The following TTC28 variants were observed in gnomAD, a reference collection of about 807,000 sequenced individuals.
TTC28 encodes the protein tetratricopeptide repeat protein 28.
A neutral mutation model predicts 198.0 loss-of-function variants in TTC28; 61 were observed. The observed-to-expected ratio is 0.31, with a 90% CI of 0.25 to 0.38. TTC28 has a LOEUF of 0.38. Ranked by LOEUF, TTC28 falls within the 10% of genes least tolerant of loss-of-function variation. TTC28 has a pLI of 1.00. For synonymous variants in TTC28, 1,171 were observed against 1,297.8 expected (o/e 0.90, Z 2.10); for missense variants, 2,678 against 3,164.0 (o/e 0.85, Z 3.69).
intron 6 of TTC28, among the ~76,000 whole-genome samples, chr22:28,147,253 T>A (rs1226747204): frequency 1.3e-5 from 2 of 152,168 alleles, no homozygotes; most frequent in Non-Finnish European, 2.9e-5. Flanking sequence ...TACCATGAAA[T>A]TACTAATTAT....
chr22:28,538,130 G>A (rs2049334557), intron 2 of TTC28, among the ~76,000 whole-genome samples: 1 of 152,148 alleles, frequency 6.6e-6, no homozygotes, highest in Non-Finnish European at 1.5e-5. Flanking sequence ...CTGTTGCCAG[G>A]CTAGAGTACA....
chr22:28,482,041 C>T (rs1020792794), intron 2 of TTC28, among the ~76,000 whole-genome samples: 1 of 152,104 alleles, frequency 6.6e-6, no homozygotes, highest in Non-Finnish European at 1.5e-5. Flanking sequence ...TGCTCTGTCC[C>T]TCATATTACA....
intron 1 of TTC28, among the ~76,000 whole-genome samples, chr22:28,640,327 A>G (rs1252784779): frequency 6.7e-6 from 1 of 150,118 alleles, no homozygotes; most frequent in African/African-American, 2.5e-5. Flanking sequence ...GGGGGGGGAA[A>G]GATGAGCAAT....
At chr22:28,543,521 GAAAGA>G (rs1379473891) in intron 2 of TTC28, among the ~76,000 whole-genome samples, 2 of 151,512 alleles carry the variant, frequency 1.3e-5, no homozygotes, top group Non-Finnish European at 1.5e-5. Flanking sequence ...TAAAAAGAGA[GAAAGA>G]AAAGAAGAGA....
intron 2 of TTC28, among the ~76,000 whole-genome samples, chr22:28,536,207 A>T (rs12168082): frequency 0.013 from 1,937 of 143,958 alleles, 67 homozygotes; most frequent in African/African-American, 0.049. Context: ...TCAAAAAAAA[A>T]AAAAAAAAAA....
chr22:28,286,010 T>A (rs2044678998), intron 5 of TTC28, among the ~76,000 whole-genome samples: 1 of 152,078 alleles, frequency 6.6e-6, no homozygotes, highest in Admixed American at 6.5e-5. Flanking sequence ...TTAATTTTTT[T>A]TTTTTTTGAG....
chr22:27,998,528 C>G lies in TTC28; in HGVS notation c.5119+12G>C. ...GGCCTTGACAGGCACCCGCAGCCAG[C>G]CGAACTCCCACCTGCCCAGTTGGAG... On this transcript the variant is annotated intron_variant, in intron 16 of 22. Transcript: ENST00000397906. The G allele has an allele frequency of 6.5e-7, 1 of 1,543,162 alleles. No homozygotes were observed. The highest frequency in any genetic ancestry group is 8.8e-7 in the Non-Finnish European group (1 of 1,142,752).
chr22:28,070,432 C>A (rs769602230), intron 12 of TTC28, among the ~76,000 whole-genome samples: 5 of 152,032 alleles, frequency 3.3e-5, no homozygotes, highest in Non-Finnish European at 7.4e-5. Flanking sequence ...TTTTTGAAAA[C>A]AACCCCAAAG....
chr22:28,133,010 G>C (rs1380406116), intron 6 of TTC28, among the ~76,000 whole-genome samples: 4 of 152,178 alleles, frequency 2.6e-5, no homozygotes, highest in Non-Finnish European at 5.9e-5. Flanking sequence ...GATCATTTGA[G>C]GTCAGGAGTT....
intron 2 of TTC28, among the ~76,000 whole-genome samples, chr22:28,551,808 G>C (rs918639450): frequency 6.6e-6 from 1 of 152,118 alleles, no homozygotes; most frequent in African/African-American, 2.4e-5. Context: ...TTCCCCCTGT[G>C]AACTGGAACA....
At chr22:28,596,858 A>G (rs1201871676) in intron 2 of TTC28, among the ~76,000 whole-genome samples, 2 of 152,226 alleles carry the variant, frequency 1.3e-5, no homozygotes, top group African/African-American at 2.4e-5. Context: ...GTCATTAAAT[A>G]TAATAAATCT....
chr22:28,229,418 A>G (rs16986165), intron 5 of TTC28, among the ~76,000 whole-genome samples: 4,096 of 152,276 alleles, frequency 0.027, 212 homozygotes, highest in African/African-American at 0.094. Flanking sequence ...GCTATCAACC[A>G]TTGCCAGCAA....
At position 28,629,536 on chromosome 22, in the gene TTC28, A is replaced by C; in HGVS notation, c.381+16T>G. On this transcript the variant is annotated intron_variant, in intron 2 of 22. Coordinates refer to ENST00000397906, the MANE Select transcript of TTC28 (RefSeq NM_001145418.2). Reference sequence around the variant, plus strand: ...AGATTCTATGAAAATAAATCTTCATAGGTAAAAATTTCTACCTTTGGCCAC... The same window carrying C: ...AGATTCTATGAAAATAAATCTTCATCGGTAAAAATTTCTACCTTTGGCCAC... 2.6e-6 allele frequency: 4 copies of C among 1,531,836 alleles called. No homozygotes were observed. The highest frequency in any genetic ancestry group is 3.5e-6 in the Non-Finnish European group (4 of 1,138,450). The allele number at this position is 1,531,836 out of a possible 1,614,324, so 94.9% of individuals were successfully genotyped here.
At position 27,993,402 on chromosome 22, in the gene TTC28, A is replaced by G. The variant is rs1257417541; in HGVS notation, c.5361T>C (p.Ala1787=). 2 of 1,551,262 alleles carry G rather than the reference A, an allele frequency of 1.3e-6. No individual in the cohort carries two copies. Among genetic ancestry groups the G allele is most frequent in the African/African-American group, 1.4e-5 (1 of 73,058 alleles). ...GIPGWQALLT[A]VGFRLDPPTS... ...TTGGGGGGTCCAGCCGGAAGCCCACAGCGGTGAGGAGGGCCTGCCAGCCAG... is the reference window on the plus strand; with the variant it reads ...TTGGGGGGTCCAGCCGGAAGCCCACGGCGGTGAGGAGGGCCTGCCAGCCAG... The change falls in exon 18 of 23, where the codon GCT becomes GCC. Residue 1787 remains alanine (A), a synonymous_variant. Coordinates refer to ENST00000397906, the MANE Select transcript of TTC28 (RefSeq NM_001145418.2).
At chr22:28,144,938 C>T (rs981245614) in intron 6 of TTC28, among the ~76,000 whole-genome samples, 2 of 152,192 alleles carry the variant, frequency 1.3e-5, no homozygotes, top group Admixed American at 6.5e-5. Flanking sequence ...CACAACAATC[C>T]TATGAAGTTG....
chr22:28,374,548 T>G (rs541762794), intron 2 of TTC28, among the ~76,000 whole-genome samples: 10 of 152,356 alleles, frequency 6.6e-5, no homozygotes, highest in African/African-American at 2.4e-4. Context: ...ATCACTGATC[T>G]AGTTGTGACT....
chr22:28,107,304 C>G lies in TTC28; in HGVS notation c.2541G>C (p.Met847Ile), dbSNP rs1460919656. 3.2e-6 allele frequency: 5 copies of G among 1,551,768 alleles called. No individual in the cohort carries two copies. In the African/African-American group the frequency reaches 5.5e-5, roughly 17 times the overall value. ...AGCCAATGGCTTCTTCCATCACATT[C>G]ATGTTCATCTTTGTGATGCCCATGT... ...YGNMGITKMN[M>I]NVMEEAIGYF... Residue 847 changes from methionine (M) to isoleucine (I), a missense_variant, in exon 7 of 23, where the codon ATG becomes ATC. By Grantham distance (10) the Met-to-Ile change is conservative. This residue lies in a region of TTC28 where 775 missense variants were observed against 845.9 expected (regional missense o/e 0.92). Coordinates refer to ENST00000397906, the MANE Select transcript of TTC28 (RefSeq NM_001145418.2).
chr22:28,319,743 G>A (rs1028880102), intron 2 of TTC28, among the ~76,000 whole-genome samples: 11 of 152,078 alleles, frequency 7.2e-5, no homozygotes, highest in African/African-American at 2.7e-4. Context: ...CTTCTTTCTG[G>A]TATAATGCTA....
chr22:28,026,084 TG>T (rs1377194874), intron 13 of TTC28, among the ~76,000 whole-genome samples: 4 of 152,186 alleles, frequency 2.6e-5, no homozygotes, highest in African/African-American at 9.6e-5. Flanking sequence ...CCACCTCCAC[TG>T]TAGGCCAGGC....
Sources: gnomAD v4.1 joint callset for allele counts (sites outside exome capture counted in the v4.1 genomes callset) on GRCh38, gnomAD v4.1.1 for gene constraint, gnomAD v4.1.1 regional missense constraint, MANE v1.5 for transcripts, NCBI Gene and HGNC (gene_info 2026-07-23, HGNC 2026-07-21) for gene names.